SCHIP1: variants seen among roughly 807,000 people sequenced by gnomAD.
SCHIP1 encodes schwannomin-interacting protein 1.
Under a neutral mutation model 29.7 loss-of-function variants are expected in SCHIP1, and 8 were observed. That is an observed-to-expected ratio of 0.27 (90% CI 0.16 to 0.49). SCHIP1 has a LOEUF of 0.49. Among genes scored for constraint, SCHIP1 ranks in the 20% least tolerant of loss-of-function variants. The pLI is 0.99. For missense variants in SCHIP1, 193 were observed against 294.6 expected, an observed-to-expected ratio of 0.66 and a Z score of 2.52; for synonymous variants, 76 against 94.9, an observed-to-expected ratio of 0.80 and a Z score of 1.16.
the SCHIP1 span, among the ~76,000 whole-genome samples, chr3:159,689,442 GA>G: frequency 1.4e-4 from 21 of 152,314 alleles, no homozygotes; most frequent in South Asian, 4.4e-3. Context: ...TTTGCACATT[GA>G]TTTTTGTATC....
At chr3:159,416,848 A>G in the SCHIP1 span, among the ~76,000 whole-genome samples, 2 of 152,170 alleles carry the variant, frequency 1.3e-5, no homozygotes, top group South Asian at 4.1e-4. Context: ...TACCAATAAC[A>G]TACCTGAGGC....
the SCHIP1 span, among the ~76,000 whole-genome samples, chr3:159,814,180 G>T: frequency 1.3e-5 from 2 of 152,208 alleles, no homozygotes; most frequent in Non-Finnish European, 2.9e-5. Context: ...CCAAAGACAG[G>T]TTGATGCTGG....
At chr3:159,828,716 G>A in the SCHIP1 span, among the ~76,000 whole-genome samples, 3 of 151,754 alleles carry the variant, frequency 2.0e-5, no homozygotes, top group African/African-American at 7.3e-5. Context: ...CTATCGCCTC[G>A]GAGCATTGAA....
the SCHIP1 span, among the ~76,000 whole-genome samples, chr3:159,739,269 C>T: frequency 6.6e-6 from 1 of 152,186 alleles, no homozygotes; most frequent in African/African-American, 2.4e-5. Flanking sequence ...ATCCTAAGTA[C>T]AGTGGGAAGC....
the SCHIP1 span, among the ~76,000 whole-genome samples, chr3:159,499,544 C>T: frequency 6.6e-6 from 1 of 152,222 alleles, no homozygotes; most frequent in Non-Finnish European, 1.5e-5. Flanking sequence ...CTGACACTTT[C>T]TACTCTTAGG....
At chr3:159,596,252 A>C in the SCHIP1 span, among the ~76,000 whole-genome samples, 2 of 152,168 alleles carry the variant, frequency 1.3e-5, no homozygotes, top group Admixed American at 6.6e-5. Context: ...CAATGAGATA[A>C]CATCTCACAC....
the SCHIP1 span, among the ~76,000 whole-genome samples, chr3:159,511,506 A>G: frequency 1.3e-5 from 2 of 152,154 alleles, no homozygotes; most frequent in Non-Finnish European, 2.9e-5. Flanking sequence ...CCCCAGTGAG[A>G]TGAACTCGGT....
intron 2 of SCHIP1, among the ~76,000 whole-genome samples, chr3:159,882,444 A>C (rs1716542133): frequency 6.6e-6 from 1 of 151,658 alleles, no homozygotes; most frequent in African/African-American, 2.4e-5. Flanking sequence ...GTAGAAAAGC[A>C]AGTAGAAAAT....
At chr3:159,281,277 G>A in the SCHIP1 span, among the ~76,000 whole-genome samples, 4 of 152,146 alleles carry the variant, frequency 2.6e-5, no homozygotes, top group Non-Finnish European at 5.9e-5. Flanking sequence ...AGAATCTGGG[G>A]AAACATTTAT....
chr3:159,302,573 A>G, the SCHIP1 span, among the ~76,000 whole-genome samples: 1 of 152,220 alleles, frequency 6.6e-6, no homozygotes, highest in Non-Finnish European at 1.5e-5. Flanking sequence ...GTCAGTTGCC[A>G]TATCAACACT....
the SCHIP1 span, among the ~76,000 whole-genome samples, chr3:159,608,499 T>C: frequency 6.6e-6 from 1 of 152,214 alleles, no homozygotes; most frequent in Non-Finnish European, 1.5e-5. Context: ...TTTCAGCCAG[T>C]AATGTGTCAG....
chr3:159,387,305 C>G, the SCHIP1 span: 3 of 293,842 alleles, frequency 1.0e-5, no homozygotes, highest in South Asian at 9.6e-5. Flanking sequence ...AGGGATGCCC[C>G]CAGGAAAAAG....
At chr3:159,500,723 A>G in the SCHIP1 span, among the ~76,000 whole-genome samples, 1 of 151,950 alleles carries the variant, frequency 6.6e-6, no homozygotes, top group Non-Finnish European at 1.5e-5. Context: ...AAAAAAAAAA[A>G]AAGAAAAAAG....
At chr3:159,789,815 G>A in the SCHIP1 span, among the ~76,000 whole-genome samples, 90 of 152,284 alleles carry the variant, frequency 5.9e-4, no homozygotes, top group African/African-American at 2.1e-3. Flanking sequence ...TTCCAAACCT[G>A]ATGTGTAAAA....
chr3:159,577,612 C>T, the SCHIP1 span, among the ~76,000 whole-genome samples: 2 of 152,158 alleles, frequency 1.3e-5, no homozygotes, highest in African/African-American at 4.8e-5. Context: ...CCTGTCCACA[C>T]CATTATGGAA....
chr3:159,403,233 G>T, the SCHIP1 span, among the ~76,000 whole-genome samples: 2 of 152,146 alleles, frequency 1.3e-5, no homozygotes, highest in African/African-American at 4.8e-5. Context: ...AACAACAAGA[G>T]TATGGATGGA....
the SCHIP1 span, among the ~76,000 whole-genome samples, chr3:159,748,864 A>T: frequency 6.6e-6 from 1 of 152,214 alleles, no homozygotes; most frequent in African/African-American, 2.4e-5. Context: ...GGGTAACCAA[A>T]CACTAAACAG....
chr3:159,393,476 G>A, the SCHIP1 span, among the ~76,000 whole-genome samples: 2 of 152,010 alleles, frequency 1.3e-5, no homozygotes, highest in African/African-American at 2.4e-5. Flanking sequence ...AATCCATCTT[G>A]AATTGATTTT....
the SCHIP1 span, among the ~76,000 whole-genome samples, chr3:159,526,842 C>A: frequency 5.1e-4 from 78 of 152,332 alleles, no homozygotes; most frequent in African/African-American, 1.7e-3. Flanking sequence ...TGGTCTCTTT[C>A]CCTGCTGACA....
Sources: allele counts gnomAD v4.1 joint callset (sites outside exome capture counted in the v4.1 genomes callset), GRCh38; gene constraint gnomAD v4.1.1; transcripts MANE v1.5; gene names NCBI Gene and HGNC (gene_info 2026-07-23, HGNC 2026-07-21).